Variants in PPP1R1C observed in about 807,000 individuals in gnomAD.
PPP1R1C encodes protein phosphatase 1 regulatory subunit 1C.
Under a neutral mutation model 17.4 loss-of-function variants are expected in PPP1R1C, and 15 were observed. The observed-to-expected ratio is 0.86, with a 90% CI of 0.58 to 1.33. The LOEUF (loss-of-function observed/expected upper bound fraction) is 1.33. Ranked by LOEUF, PPP1R1C falls within the 40% of genes most tolerant of loss-of-function variation. PPP1R1C has a pLI of 0.00. For synonymous variants in PPP1R1C, 35 were observed against 43.1 expected (o/e 0.81, Z 0.73); for missense variants, 143 against 130.0 (o/e 1.10, Z -0.48).
At chr2:182,052,739 G>C (rs188537591) in intron 2 of PPP1R1C, among the ~76,000 whole-genome samples, 17 of 152,276 alleles carry the variant, frequency 1.1e-4, no homozygotes, top group Admixed American at 1.1e-3. Context: ...ATTAGTATTT[G>C]TGTTTTAACC....
intron 1 of PPP1R1C, among the ~76,000 whole-genome samples, chr2:181,956,167 T>A (rs2125129092): frequency 6.6e-6 from 1 of 152,254 alleles, no homozygotes; most frequent in African/African-American, 2.4e-5. Context: ...TCTGTTCTTG[T>A]GTTAGTTTGC....
At chr2:182,125,032 A>T (rs544945260) in intron 5 of PPP1R1C, among the ~76,000 whole-genome samples, 419 of 152,182 alleles carry the variant, frequency 2.8e-3, no homozygotes, top group African/African-American at 9.7e-3. Context: ...TTGGCTGTGG[A>T]TTTCTCATAA....
chr2:182,119,013 C>A (rs1689661372), downstream of PPP1R1C, among the ~76,000 whole-genome samples: 1 of 151,952 alleles, frequency 6.6e-6, no homozygotes, highest in Non-Finnish European at 1.5e-5. Context: ...ATTAACTCGT[C>A]ATTTAACATT....
intron 4 of PPP1R1C, among the ~76,000 whole-genome samples, chr2:182,068,470 C>T (rs1461391725): frequency 6.6e-6 from 1 of 152,120 alleles, no homozygotes; most frequent in Non-Finnish European, 1.5e-5. Context: ...CTTGAAAAGT[C>T]GGGTTTAAGA....
In PPP1R1C at chr2:181,967,961, C is replaced by T. The variant is rs903479235; in HGVS notation, n.112-7258C>T. Among the ~76,000 whole-genome samples the T allele has an allele frequency of 1.2e-4, 18 of 152,186 alleles. No individual in the cohort carries two copies. The highest frequency in any genetic ancestry group is 3.6e-4 in the African/African-American group (15 of 41,448). On this transcript the variant is annotated intron_variant and non_coding_transcript_variant, in intron 1 of 5. Coordinates refer to the PPP1R1C transcript ENST00000464264. The surrounding 1 kb of genome is among the most constrained non-coding windows in gnomAD (Gnocchi z 5.5). ...AACTCCCAATCTCAGGTGATCCACC[C>T]GCCTTGGTCTCCCAAAGTGCTGGGA...
At chr2:182,001,962 C>T (rs1345565234) in intron 2 of PPP1R1C, among the ~76,000 whole-genome samples, 1 of 152,126 alleles carries the variant, frequency 6.6e-6, no homozygotes, top group Non-Finnish European at 1.5e-5. Flanking sequence ...CACATTACAA[C>T]ATTCCAGCTG....
At chr2:181,995,784 C>A (rs1181269716) in intron 2 of PPP1R1C, among the ~76,000 whole-genome samples, 1 of 151,192 alleles carries the variant, frequency 6.6e-6, no homozygotes, top group African/African-American at 2.4e-5. Flanking sequence ...CAGGAGCAAG[C>A]CCTGGAGCCT....
At chr2:182,063,830 G>A in intron 4 of PPP1R1C, 39 bp downstream of exon 4, 1 of 1,472,424 alleles carries the variant, frequency 6.8e-7, no homozygotes, top group Non-Finnish European at 9.5e-7. Flanking sequence ...CATGAGTGGT[G>A]AATCATGGCT....
At chr2:182,001,814 T>G in intron 2 of PPP1R1C, among the ~76,000 whole-genome samples, 1 of 152,156 alleles carries the variant, frequency 6.6e-6, no homozygotes, top group South Asian at 2.1e-4. Context: ...TAAGCAGAAC[T>G]TAATGATTGT....
intron 4 of PPP1R1C, among the ~76,000 whole-genome samples, chr2:182,076,715 A>G (rs1688323895): frequency 1.3e-5 from 2 of 152,132 alleles, no homozygotes; most frequent in South Asian, 4.1e-4. Flanking sequence ...ATACTTTTCT[A>G]TTAATCTTTC....
chr2:181,977,185 T>G (rs1284240795), intron 2 of PPP1R1C, among the ~76,000 whole-genome samples: 2 of 146,398 alleles, frequency 1.4e-5, no homozygotes, highest in African/African-American at 5.1e-5. Context: ...CTAGGCTAAT[T>G]TTTTATCACC....
At chr2:182,127,020 A>G (rs183883442) in intron 5 of PPP1R1C, among the ~76,000 whole-genome samples, 187 of 152,206 alleles carry the variant, frequency 1.2e-3, no homozygotes, top group Non-Finnish European at 2.3e-3. Context: ...AGCTAATTCG[A>G]AGGAACGAAC....
chr2:182,040,617 C>A (rs1687152940), intron 2 of PPP1R1C, among the ~76,000 whole-genome samples: 1 of 152,066 alleles, frequency 6.6e-6, no homozygotes, highest in African/African-American at 2.4e-5. Context: ...TCTGTTTATT[C>A]CAATGATTAT....
chr2:182,024,949 C>A (rs1250840820), intron 2 of PPP1R1C, among the ~76,000 whole-genome samples: 1 of 148,768 alleles, frequency 6.7e-6, no homozygotes, highest in East Asian at 2.0e-4. Flanking sequence ...TTAATATATT[C>A]TTCTTTTTTT....
intron 4 of PPP1R1C, among the ~76,000 whole-genome samples, chr2:182,087,199 T>A (rs1484269241): frequency 1.3e-5 from 2 of 152,218 alleles, no homozygotes; most frequent in Non-Finnish European, 2.9e-5. Context: ...TTGTACACCT[T>A]TGTACACTGC....
intron 4 of PPP1R1C, among the ~76,000 whole-genome samples, chr2:182,109,485 T>C (rs1177433897): frequency 6.6e-6 from 1 of 152,234 alleles, no homozygotes; most frequent in South Asian, 2.1e-4. Flanking sequence ...GTGTTTTACA[T>C]TGAAGTCTGG....
Position 182,117,368 on chromosome 2 carries a change from C to A in PPP1R1C, c.*73C>A. 9.1e-7 allele frequency: 1 copy of A among 1,099,554 alleles called. No individual in the cohort carries two copies. Among genetic ancestry groups the A allele is most frequent in the Non-Finnish European group, 1.3e-6 (1 of 753,086 alleles). 68.1% of individuals were successfully genotyped at this position (1,099,554 alleles called of 1,614,324 possible). ...ACTTTTCTGAGTATACCATGGAATT[C>A]CACTGCTTGACTTCCAGAAGCATCC... On this transcript the variant is annotated 3_prime_UTR_variant, in exon 5 of 5. Coordinates refer to ENST00000682840, the MANE Select transcript of PPP1R1C (RefSeq NM_001080545.3).
Position 182,117,252 on chromosome 2 carries a change from A to C in PPP1R1C, c.287A>C (p.Glu96Ala), listed in dbSNP as rs201820011. 61 of 1,564,452 alleles carry C rather than the reference A, an allele frequency of 3.9e-5. No individual in the cohort carries two copies. Among genetic ancestry groups the C allele is most frequent in the Non-Finnish European group, 4.5e-5 (52 of 1,154,248 alleles). ...KGQNESAFPE[E>A]EEGTNEREEQ... ...CAGAATGAATCAGCATTCCCTGAAG[A>C]AGAAGAAGGCACCAATGAAAGAGAG... is the stretch of plus-strand genomic sequence containing the variant. The change falls in exon 5 of 5, where the codon GAA (glutamate) becomes GCA (alanine). Residue 96 changes from glutamate (E) to alanine (A), a missense_variant. Physicochemically the swap from Glu to Ala is moderately radical, Grantham distance 107 (BLOSUM62 -1). Coordinates refer to ENST00000682840, the MANE Select transcript of PPP1R1C (RefSeq NM_001080545.3).
chr2:182,042,468 G>T (rs1424212254), intron 2 of PPP1R1C, among the ~76,000 whole-genome samples: 1 of 152,146 alleles, frequency 6.6e-6, no homozygotes, highest in Non-Finnish European at 1.5e-5. Context: ...CTCCTAAGAT[G>T]CATCTAGCCT....
Sources: gnomAD v4.1 joint callset for allele counts (sites outside exome capture counted in the v4.1 genomes callset) on GRCh38, gnomAD v4.1.1 for gene constraint, Gnocchi (gnomAD v3.1) non-coding constraint, MANE v1.5 for transcripts, NCBI Gene and HGNC (gene_info 2026-07-23, HGNC 2026-07-21) for gene names.